The following RYR2 variants were observed in gnomAD, a reference collection of about 807,000 sequenced individuals.
RYR2 encodes the protein cardiac muscle ryanodine receptor-calcium release channel.
RYR2 carries 227 observed loss-of-function variants against 601.1 expected under a neutral mutation model. The observed-to-expected ratio is 0.38, with a 90% CI of 0.34 to 0.42. The LOEUF is 0.42. Ranked by LOEUF, RYR2 falls within the 10% of genes least tolerant of loss-of-function variation. The pLI, the probability that RYR2 is intolerant of heterozygous loss-of-function variation, is 1.00. For synonymous variants in RYR2, 2,223 were observed against 2,175.1 expected, an observed-to-expected ratio of 1.02 and a Z score of -0.61; for missense variants, 4,646 against 6,156.5, an observed-to-expected ratio of 0.75 and a Z score of 8.21.
At chr1:237,646,347 A>T (rs529535569) in intron 48 of RYR2, among the ~76,000 whole-genome samples, 2 of 151,920 alleles carry the variant, frequency 1.3e-5, no homozygotes, top group Admixed American at 6.5e-5. Context: ...TCTCAAAAAA[A>T]AATTTTTTTT....
rs927547515 is a variant in RYR2, at chr1:237,080,798, A to G, written c.48+38229A>G. 3.6e-4 allele frequency among the ~76,000 whole-genome samples: 39 copies of G among 107,392 alleles called. 1 individual carries two copies. The highest frequency in any genetic ancestry group is 1.4e-3 in the African/African-American group (39 of 28,286). 70.5% of individuals were successfully genotyped at this position (107,392 alleles called of 152,430 possible). The stretch of plus-strand genomic sequence containing the variant: ...TTACTGGGTATATACCCAAATGAGT[A>G]TAAGTCATGCTGCTATAAAGACACA... On this transcript the variant is annotated intron_variant, in intron 1 of 104. Coordinates refer to ENST00000366574, the MANE Select transcript of RYR2 (RefSeq NM_001035.3).
At chr1:237,091,443 G>GT (rs1666945720) in intron 1 of RYR2, among the ~76,000 whole-genome samples, 1 of 145,182 alleles carries the variant, frequency 6.9e-6, no homozygotes, top group African/African-American at 2.6e-5. Context: ...GGGGCGGGGG[G>GT]GGATAGGGTC....
intron 72 of RYR2, 121 bp downstream of exon 72, chr1:237,717,489 G>A (rs1433125679): frequency 1.2e-6 from 1 of 849,416 alleles, no homozygotes. Context: ...TTATTAAGCA[G>A]GTTTTCTAGA....
chr1:237,243,114 A>G (rs934879286), intron 1 of RYR2, among the ~76,000 whole-genome samples: 2 of 151,552 alleles, frequency 1.3e-5, no homozygotes, highest in East Asian at 3.9e-4. Context: ...CCACCACACC[A>G]TCAACACAGG....
At chr1:237,291,545 A>C (rs1310019305) in intron 2 of RYR2, among the ~76,000 whole-genome samples, 1 of 152,214 alleles carries the variant, frequency 6.6e-6, no homozygotes, top group East Asian at 1.9e-4. Flanking sequence ...CAAGATGTCC[A>C]TCAGTAGGTG....
chr1:237,427,146 C>T (rs1706257817), intron 12 of RYR2, among the ~76,000 whole-genome samples: 1 of 152,168 alleles, frequency 6.6e-6, no homozygotes, highest in African/African-American at 2.4e-5. Context: ...ACGCTACCTT[C>T]TTCATCATGC....
At chr1:237,346,862 T>C (rs1698355736) in intron 3 of RYR2, among the ~76,000 whole-genome samples, 1 of 152,186 alleles carries the variant, frequency 6.6e-6, no homozygotes, top group South Asian at 2.1e-4. Context: ...GAGAGATGCT[T>C]TTCTTTTTAT....
chr1:237,567,424 A>AAAT (rs1447411915), intron 28 of RYR2, among the ~76,000 whole-genome samples: 4 of 150,992 alleles, frequency 2.6e-5, no homozygotes, highest in Non-Finnish European at 5.9e-5. Context: ...ACAAAAAAAA[A>AAAT]AAAAAAAAAA....
At chr1:237,424,731 A>T (rs2150066047) in intron 12 of RYR2, among the ~76,000 whole-genome samples, 1 of 152,342 alleles carries the variant, frequency 6.6e-6, no homozygotes, top group East Asian at 1.9e-4. Context: ...CGTTTACCCT[A>T]AAAGACCAAT....
chr1:237,689,542 G>A (rs1168248769), intron 63 of RYR2, among the ~76,000 whole-genome samples: 1 of 152,046 alleles, frequency 6.6e-6, no homozygotes, highest in Non-Finnish European at 1.5e-5. Flanking sequence ...TGCTTGTTAG[G>A]GGTGAAAAAC....
chr1:237,246,138 C>A (rs572879407), intron 1 of RYR2, among the ~76,000 whole-genome samples: 11 of 151,662 alleles, frequency 7.3e-5, no homozygotes, highest in Admixed American at 3.3e-4. Flanking sequence ...CTCTTTCGCC[C>A]GAGCTGGAGT....
At chr1:237,127,313 CA>C (rs1671551078) in intron 1 of RYR2, among the ~76,000 whole-genome samples, 1 of 151,828 alleles carries the variant, frequency 6.6e-6, no homozygotes, top group African/African-American at 2.4e-5. Flanking sequence ...ACCTCCCAGA[CA>C]GGGTGGTGGC....
At chr1:237,667,825 GA>G in intron 57 of RYR2, 57 bp from the exon 58 acceptor site, 1 of 1,273,106 alleles carries the variant, frequency 7.9e-7, no homozygotes, top group Non-Finnish European at 1.1e-6. Flanking sequence ...TTATATATTA[GA>G]AAGCAATATT....
chr1:237,340,740 A>G (rs1697699062), intron 3 of RYR2, among the ~76,000 whole-genome samples: 1 of 152,216 alleles, frequency 6.6e-6, no homozygotes, highest in African/African-American at 2.4e-5. Context: ...AATTAATGTA[A>G]TATTTAGCCA....
intron 1 of RYR2, among the ~76,000 whole-genome samples, chr1:237,046,471 C>T (rs1660618610): frequency 6.6e-6 from 1 of 152,192 alleles, no homozygotes; most frequent in African/African-American, 2.4e-5. Context: ...GCACTTTTTG[C>T]TCCCTTCATA....
At chr1:237,541,378 C>T (rs1334965766) in intron 25 of RYR2, among the ~76,000 whole-genome samples, 2 of 152,142 alleles carry the variant, frequency 1.3e-5, no homozygotes, top group East Asian at 3.9e-4. Flanking sequence ...TGTGTCTAGT[C>T]TCACCTTTAA....
At chr1:237,770,078 C>T (rs540503278) in intron 84 of RYR2, among the ~76,000 whole-genome samples, 1 of 152,074 alleles carries the variant, frequency 6.6e-6, no homozygotes. Context: ...CTAGGGGACG[C>T]CTTTCTTTTC....
At chr1:237,530,865 G>A (rs944486620) in intron 25 of RYR2, among the ~76,000 whole-genome samples, 1 of 151,614 alleles carries the variant, frequency 6.6e-6, no homozygotes, top group Non-Finnish European at 1.5e-5. Flanking sequence ...AGTCAAGATC[G>A]TGCCACTGCA....
intron 50 of RYR2, 31 bp from the exon 51 acceptor site, chr1:237,651,380 G>A: frequency 7.0e-7 from 1 of 1,430,398 alleles, no homozygotes; most frequent in Non-Finnish European, 9.7e-7. Flanking sequence ...AACATTTCTT[G>A]GCATTATGAA....
Sources: gnomAD v4.1 joint callset for allele counts (sites outside exome capture counted in the v4.1 genomes callset) on GRCh38, gnomAD v4.1.1 for gene constraint, MANE v1.5 for transcripts, NCBI Gene and HGNC (gene_info 2026-07-23, HGNC 2026-07-21) for gene names.